The following OR9G4 variants were observed in gnomAD, a reference collection of about 807,000 sequenced individuals.
The protein encoded by OR9G4 is olfactory receptor 9G4.
In OR9G4, 19 loss-of-function variants were observed where a neutral mutation model predicts 16.7. The observed-to-expected ratio is 1.14, with a 90% confidence interval of 0.79 to 1.67. The LOEUF is 1.67. Among genes scored for constraint, OR9G4 ranks in the 40% most tolerant of loss-of-function variants. The pLI, the probability that OR9G4 is intolerant of heterozygous loss-of-function variation, is 0.00. For synonymous variants in OR9G4, 182 were observed against 146.2 expected, an observed-to-expected ratio of 1.24 and a Z score of -1.76; for missense variants, 428 against 370.4, an observed-to-expected ratio of 1.16 and a Z score of -1.28.
At chr11:56,746,008 T>C (rs1214931341) in intron 1 of OR9G4, among the ~76,000 whole-genome samples, 3 of 151,788 alleles carry the variant, frequency 2.0e-5, no homozygotes, top group Non-Finnish European at 4.4e-5. Context: ...AATACAATCC[T>C]ATGGGCCGGG....
At position 56,742,197 on chromosome 11, in the gene OR9G4, T is replaced by G. The variant is rs1858311541; in HGVS notation, c.*631A>C. The stretch of plus-strand genomic sequence containing the variant: ...ACTCACTCCTTGTAAGAGAGAAGAC[T>G]GTTAGGATGATATGCAATTCTAAAG... On this transcript the variant is annotated 3_prime_UTR_variant, in exon 2 of 2. Transcript: ENST00000641668. 6.5e-6 allele frequency: 1 copy of G among 152,758 alleles called. No homozygotes were observed. Among genetic ancestry groups the G allele is most frequent in the African/African-American group, 2.4e-5 (1 of 41,472 alleles). 9.5% of individuals were successfully genotyped at this position (152,758 alleles called of 1,614,324 possible).
In OR9G4 at chr11:56,743,838, A is replaced by G. The variant is rs777665015; in HGVS notation, c.-22-50T>C. On this transcript the variant is annotated intron_variant, in intron 1 of 1. Coordinates refer to ENST00000641668, the MANE Select transcript of OR9G4 (RefSeq NM_001005284.2). ...ACTTAGTGTTTTTTCTATTCACACA[A>G]GTTGACAAGGGTATCAATTAAATCA... is the stretch of plus-strand genomic sequence containing the variant. 9 of 1,578,790 alleles carry G rather than the reference A, an allele frequency of 5.7e-6. No homozygotes were observed. The East Asian group carries it at 6.7e-5, about 12-fold the overall frequency.
Position 56,743,559 on chromosome 11 carries a change from C to G in OR9G4, c.208G>C (p.Asp70His). ...GTATACACAGAGGTATACCAGAAATCCAAAAAAGACAGATTGCCAATGAAA... is the reference window on the plus strand; with the variant it reads ...GTATACACAGAGGTATACCAGAAATGCAAAAAAGACAGATTGCCAATGAAA... The part of the protein sequence containing the change: ...YFFIGNLSFL[D>H]FWYTSVYTPK... Residue 70 changes from aspartate (D) to histidine (H), a missense_variant, in exon 2 of 2, where the codon GAT becomes CAT. Asp to His is a moderately conservative substitution (Grantham distance 81). Transcript: ENST00000641668. 4 of 1,613,896 alleles carry G rather than the reference C, an allele frequency of 2.5e-6. No individual in the cohort carries two copies. Among genetic ancestry groups the G allele is most frequent in the Non-Finnish European group, 2.5e-6 (3 of 1,179,974 alleles).
In OR9G4 at chr11:56,743,663, T is replaced by C. The variant is rs187900611; in HGVS notation, c.104A>G (p.Tyr35Cys). ...CATGTTTCCTGACAAGGTTATCAAATAGAGCATCAGAAACACTCCAAATAG... is the reference window on the plus strand; with the variant it reads ...CATGTTTCCTGACAAGGTTATCAAACAGAGCATCAGAAACACTCCAAATAG... ...PILFGVFLML[Y>C]LITLSGNMTL... Residue 35 changes from tyrosine to cysteine, a missense_variant, in exon 2 of 2, where the codon TAT (tyrosine) becomes TGT (cysteine). Physicochemically the swap from Tyr to Cys is radical, Grantham distance 194. Transcript: ENST00000641668. The C allele has an allele frequency of 3.1e-6, 5 of 1,614,106 alleles. No individual in the cohort carries two copies. Among genetic ancestry groups the C allele is most frequent in the East Asian group, 2.2e-5 (1 of 44,876 alleles).
intron 1 of OR9G4, among the ~76,000 whole-genome samples, chr11:56,748,118 A>T (rs540277422): frequency 1.3e-5 from 2 of 152,342 alleles, no homozygotes; most frequent in South Asian, 4.1e-4. Context: ...AATTTGAAAC[A>T]AGTTACCAAG....
Position 56,741,230 on chromosome 11 carries a change from T to C in OR9G4, c.*1598A>G. ...TTCAACAAGAAAAATTGTGTTTCTT[T>C]GTGTTTCGTTTGTTTGTTATGATTT... On this transcript the variant is annotated 3_prime_UTR_variant, in exon 2 of 2. Coordinates refer to ENST00000641668, the MANE Select transcript of OR9G4 (RefSeq NM_001005284.2). 1 of 345,052 alleles carries C rather than the reference T, an allele frequency of 2.9e-6. No homozygotes were observed. The highest frequency in any genetic ancestry group is 4.2e-4 in the Middle Eastern group (1 of 2,354). 21.4% of individuals were successfully genotyped at this position (345,052 alleles called of 1,614,324 possible).
At chr11:56,747,094 C>T (rs970062972) in intron 1 of OR9G4, among the ~76,000 whole-genome samples, 23 of 152,122 alleles carry the variant, frequency 1.5e-4, no homozygotes, top group African/African-American at 5.1e-4. Context: ...CTAACACTCA[C>T]CACACTGACC....
chr11:56,743,291 T>C lies in OR9G4; in HGVS notation c.476A>G (p.His159Arg). The C allele has an allele frequency of 6.2e-7, 1 of 1,614,138 alleles. No homozygotes were observed. Residue 159 changes from histidine (H) to arginine (R), a missense_variant, in exon 2 of 2, where the codon CAT (histidine) becomes CGT (arginine). By Grantham distance (29) the His-to-Arg change is conservative (BLOSUM62 0). Coordinates refer to ENST00000641668, the MANE Select transcript of OR9G4 (RefSeq NM_001005284.2). ...YIGGFLNAIA[H>R]TANTFRLHFC... ...ATGCAGGCGGAATGTATTGGCAGTA[T>C]GGGCTATGGCATTCAAAAATCCTCC...
chr11:56,742,805 A>T lies in OR9G4; in HGVS notation c.*23T>A. 6.3e-7 allele frequency: 1 copy of T among 1,589,426 alleles called. No homozygotes were observed. Among genetic ancestry groups the T allele is most frequent in the Non-Finnish European group, 8.6e-7 (1 of 1,167,530 alleles). On this transcript the variant is annotated 3_prime_UTR_variant, in exon 2 of 2. Transcript: ENST00000641668. ...CCAATAATCTGGAAAATTCAATAAC[A>T]GCATTTGCAAAGAGAATAACCTTCA...
chr11:56,741,297 A>G lies in OR9G4; in HGVS notation c.*1531T>C, dbSNP rs987465823. On this transcript the variant is annotated 3_prime_UTR_variant, in exon 2 of 2. Transcript: ENST00000641668. ...TATATACTACAGTATTGTAGATTCA[A>G]TTGAATACTGATACAGTTTTTAAAA... 2 of 180,686 alleles carry G rather than the reference A, an allele frequency of 1.1e-5. No homozygotes were observed. Among genetic ancestry groups the G allele is most frequent in the African/African-American group, 2.4e-5 (1 of 41,862 alleles). 11.2% of individuals were successfully genotyped at this position (180,686 alleles called of 1,614,324 possible).
chr11:56,743,088 T>A lies in OR9G4; in HGVS notation c.679A>T (p.Arg227Ter), dbSNP rs753694761. 6.2e-6 allele frequency: 10 copies of A among 1,614,044 alleles called. No homozygotes were observed. In the East Asian group the frequency reaches 2.2e-4, roughly 36 times the overall value. Reference sequence around the variant, plus strand: ...TGTCTTCCTGAAGCTGAGTGGATTCTCAGGATAGCCAGGAGGATGTTGACA... The same window carrying A: ...TGTCTTCCTGAAGCTGAGTGGATTCACAGGATAGCCAGGAGGATGTTGACA... ...SYVNILLAILRIHSASGRHKA... is the reference protein window; with the variant it reads ...SYVNILLAIL Residue 227 changes from arginine to a stop codon, truncating the protein, a stop_gained, in exon 2 of 2, where the codon AGA (arginine) becomes TGA (stop). Transcript: ENST00000641668. LOFTEE classifies it high-confidence loss of function.
At chr11:56,745,212 C>A (rs1354952879) in intron 1 of OR9G4, among the ~76,000 whole-genome samples, 3 of 152,130 alleles carry the variant, frequency 2.0e-5, no homozygotes, top group African/African-American at 7.2e-5. Context: ...TACAAATAAG[C>A]AATTTCAGCC....
intron 1 of OR9G4, among the ~76,000 whole-genome samples, chr11:56,747,896 G>C (rs1340342722): frequency 6.6e-6 from 1 of 152,086 alleles, no homozygotes; most frequent in African/African-American, 2.4e-5. Flanking sequence ...GGCTGGTCTT[G>C]AACTCCTCAC....
rs1381084814 is a variant in OR9G4, at chr11:56,743,680, TC to T, written c.86del (p.Gly29GlufsTer4). The T allele has an allele frequency of 6.2e-7, 1 of 1,614,094 alleles. No homozygotes were observed. Among genetic ancestry groups the T allele is most frequent in the South Asian group, 1.1e-5 (1 of 91,076 alleles). ...TTATCAAATAGAGCATCAGAAACACTCCAAATAGAATCGGCTGCCACTGGGA... is the reference window on the plus strand; with the variant it reads ...TTATCAAATAGAGCATCAGAAACACTCAAATAGAATCGGCTGCCACTGGGA... ...ADSQWQPILF[G>X]VFLMLYLITL... is the part of the protein sequence containing the mutation. On this transcript the variant is annotated frameshift_variant, in exon 2 of 2. Coordinates refer to ENST00000641668, the MANE Select transcript of OR9G4 (RefSeq NM_001005284.2). LOFTEE classifies it high-confidence loss of function.
Position 56,742,960 on chromosome 11 carries a change from C to T in OR9G4, c.807G>A (p.Glu269=), listed in dbSNP as rs1858325678. 6.2e-7 allele frequency: 1 copy of T among 1,614,072 alleles called. No individual in the cohort carries two copies. The highest frequency in any genetic ancestry group is 8.5e-7 in the Non-Finnish European group (1 of 1,180,014). The change falls in exon 2 of 2, where the codon GAG becomes GAA. Residue 269 remains glutamate (E), a synonymous_variant. Transcript: ENST00000641668. ...AGAACAGAGCAGCTACTTTGTCCCT[C>T]TCTAGGGAGTAGGTGGAACTAGGCC... ...YSRPSSTYSL[E]RDKVAALFYT...
intron 1 of OR9G4, among the ~76,000 whole-genome samples, chr11:56,746,118 C>T (rs1858409361): frequency 6.6e-6 from 1 of 151,316 alleles, no homozygotes; most frequent in Admixed American, 6.6e-5. Flanking sequence ...ACGGTGAAAC[C>T]CCGTCTCTAC....
intron 1 of OR9G4, among the ~76,000 whole-genome samples, chr11:56,747,930 T>C (rs1358138629): frequency 6.6e-6 from 1 of 152,148 alleles, no homozygotes; most frequent in African/African-American, 2.4e-5. Context: ...CTCCTCAGCC[T>C]CCCAAAGTGC....
rs1858339093 is a variant in OR9G4, at chr11:56,743,318, A to G, written c.449T>C (p.Ile150Thr). 2 of 1,614,196 alleles carry G rather than the reference A, an allele frequency of 1.2e-6. No homozygotes were observed. The highest frequency in any genetic ancestry group is 1.7e-6 in the Non-Finnish European group (2 of 1,180,024). The change falls in exon 2 of 2, where the codon ATA (isoleucine) becomes ACA (threonine). Residue 150 changes from isoleucine to threonine, a missense_variant. By Grantham distance (89) the Ile-to-Thr change is moderately conservative. Transcript: ENST00000641668. Reference protein sequence around the residue: ...LCTGLVAGSYIGGFLNAIAHT... With the variant: ...LCTGLVAGSYTGGFLNAIAHT... ...GGCTATGGCATTCAAAAATCCTCCT[A>G]TGTAGGAGCCAGCAACAAGCCCAGT...
intron 1 of OR9G4, among the ~76,000 whole-genome samples, chr11:56,744,333 C>T (rs150600640): frequency 7.6e-4 from 116 of 152,240 alleles, no homozygotes; most frequent in African/African-American, 2.6e-3. Context: ...GGATTACAGG[C>T]GTGAGCCATC....
Sources: allele counts gnomAD v4.1 joint callset (sites outside exome capture counted in the v4.1 genomes callset), GRCh38; gene constraint gnomAD v4.1.1; transcripts MANE v1.5; gene names NCBI Gene and HGNC (gene_info 2026-07-23, HGNC 2026-07-21).